The following TTC23 variants were observed in gnomAD, a reference collection of about 807,000 sequenced individuals.
The protein encoded by TTC23 is tetratricopeptide repeat protein 23.
In TTC23, 58 loss-of-function variants were observed where a neutral mutation model predicts 55.1. The observed-to-expected ratio is 1.05, with a 90% CI of 0.85 to 1.31. The LOEUF (loss-of-function observed/expected upper bound fraction) is 1.31, where lower values mean the gene tolerates loss of function less well. TTC23 is among the 50% of genes most tolerant of loss of function. TTC23 has a pLI of 0.00. For missense variants in TTC23, 516 were observed against 534.4 expected, an observed-to-expected ratio of 0.97 and a Z score of 0.34; for synonymous variants, 203 against 199.9, an observed-to-expected ratio of 1.02 and a Z score of -0.13.
intron 12 of TTC23, among the ~76,000 whole-genome samples, chr15:99,146,480 C>T (rs1281776926): frequency 9.9e-5 from 15 of 152,246 alleles, no homozygotes; most frequent in African/African-American, 3.6e-4. Flanking sequence ...GGAGCTTTTG[C>T]TTTTCCCTCC....
intron 12 of TTC23, chr15:99,140,059 G>A (rs760273200): frequency 3.2e-5 from 7 of 217,142 alleles, no homozygotes; most frequent in Non-Finnish European, 6.6e-5. Flanking sequence ...TTGCTTTACT[G>A]AATGCCAAAG....
chr15:99,151,130 G>A (rs2151864966), intron 12 of TTC23, among the ~76,000 whole-genome samples: 1 of 152,328 alleles, frequency 6.6e-6, no homozygotes, highest in South Asian at 2.1e-4. Context: ...TTTAAGGGAA[G>A]GGGCTACTTC....
intron 12 of TTC23, chr15:99,151,411 C>T (rs1391745711): frequency 6.6e-6 from 1 of 152,224 alleles, no homozygotes; most frequent in African/African-American, 2.4e-5. Context: ...GGCACAGGGA[C>T]AGAAAGTAAA....
intron 10 of TTC23, among the ~76,000 whole-genome samples, chr15:99,172,536 G>T (rs1321475553): frequency 2.0e-5 from 3 of 152,162 alleles, no homozygotes; most frequent in African/African-American, 7.2e-5. Context: ...AACATGACAT[G>T]GCATAAAGAG....
At chr15:99,209,501 T>A (rs747510027) in intron 8 of TTC23, among the ~76,000 whole-genome samples, 4 of 152,190 alleles carry the variant, frequency 2.6e-5, no homozygotes, top group Non-Finnish European at 5.9e-5. Flanking sequence ...TAGCGTTGAA[T>A]AAGCAGGGCT....
chr15:99,218,647 T>C lies in TTC23; in HGVS notation c.522A>G (p.Gly174=). The change falls in exon 8 of 14, where the codon GGA becomes GGG. Residue 174 remains glycine (G), a synonymous_variant. Coordinates refer to ENST00000394132, the MANE Select transcript of TTC23 (RefSeq NM_001288615.3). The part of the protein sequence containing the change: ...ERLSKELLQC[G]RIIKEEWIEI... ...CTATCCATTCTTCCTTTATAATTCT[T>C]CCACATTGTAGCAGCTCCTTTGAAA... The C allele has an allele frequency of 6.2e-7, 1 of 1,614,212 alleles. No individual in the cohort carries two copies. The highest frequency in any genetic ancestry group is 8.5e-7 in the Non-Finnish European group (1 of 1,180,040).
intron 12 of TTC23, chr15:99,140,971 T>A (rs1196593746): frequency 6.6e-6 from 1 of 152,176 alleles, no homozygotes; most frequent in African/African-American, 2.4e-5. Flanking sequence ...TTCAAAGAGT[T>A]GAAATCTGAT....
intron 9 of TTC23, among the ~76,000 whole-genome samples, chr15:99,193,039 A>G (rs368128482): frequency 5.3e-5 from 8 of 152,162 alleles, no homozygotes; most frequent in African/African-American, 1.9e-4. Context: ...TGTTTTGGCC[A>G]ATTTCTCCCA....
chr15:99,139,004 G>T (rs2067891107), intron 13 of TTC23: 1 of 425,484 alleles, frequency 2.4e-6, no homozygotes, highest in East Asian at 5.3e-5. Context: ...GCCGGAAGCA[G>T]GGCTGCAGGA....
At chr15:99,177,330 A>G (rs2073677173) in intron 9 of TTC23, among the ~76,000 whole-genome samples, 1 of 152,236 alleles carries the variant, frequency 6.6e-6, no homozygotes, top group South Asian at 2.1e-4. Context: ...AAAGAATTGA[A>G]TATGTGATTT....
At chr15:99,152,989 G>A (rs1555497731) in intron 12 of TTC23, among the ~76,000 whole-genome samples, 2 of 152,168 alleles carry the variant, frequency 1.3e-5, no homozygotes. Context: ...AGTAGAGACA[G>A]GGTTTCGCTG....
intron 9 of TTC23, among the ~76,000 whole-genome samples, chr15:99,188,447 T>G (rs568744750): frequency 6.6e-6 from 1 of 152,192 alleles, no homozygotes; most frequent in East Asian, 1.9e-4. Context: ...ACCACTACAT[T>G]GTACACTTTA....
At chr15:99,214,908 T>G (rs1421460080) in intron 8 of TTC23, among the ~76,000 whole-genome samples, 1 of 130,010 alleles carries the variant, frequency 7.7e-6, no homozygotes, top group Non-Finnish European at 1.6e-5. Context: ...CAGGCTGGAG[T>G]GCAATGGCGC....
rs1264692133 is a variant in TTC23, at chr15:99,136,730, C to CTAGA, written c.*1276_*1279dup. ...CCTTAGCTGACTCCACCCATGTCAACTAGATAGGACACACGGTGAGTAGTG... is the reference window on the plus strand; with the variant it reads ...CCTTAGCTGACTCCACCCATGTCAACTAGATAGATAGGACACACGGTGAGTAGTG... On this transcript the variant is annotated 3_prime_UTR_variant, in exon 14 of 14. Transcript: ENST00000394132. 6.8e-6 allele frequency: 1 copy of CTAGA among 146,216 alleles called. No homozygotes were observed. The highest frequency in any genetic ancestry group is 1.5e-5 in the Non-Finnish European group (1 of 66,678). 9.1% of individuals were successfully genotyped at this position (146,216 alleles called of 1,614,324 possible). A position where few individuals can be genotyped will look rare whatever the true frequency, so the allele number is the denominator to read the frequency against.
At chr15:99,142,342 T>G (rs2068330868) in intron 12 of TTC23, among the ~76,000 whole-genome samples, 1 of 152,148 alleles carries the variant, frequency 6.6e-6, no homozygotes, top group Non-Finnish European at 1.5e-5. Flanking sequence ...GGTTAACACT[T>G]CTTACCAGAA....
chr15:99,212,436 A>G (rs1026219996), intron 8 of TTC23, among the ~76,000 whole-genome samples: 6 of 152,350 alleles, frequency 3.9e-5, no homozygotes, highest in African/African-American at 1.4e-4. Flanking sequence ...TACCAGATTT[A>G]AAGAAATATA....
At chr15:99,227,408 C>T (rs184108823) in intron 5 of TTC23, among the ~76,000 whole-genome samples, 3 of 152,286 alleles carry the variant, frequency 2.0e-5, no homozygotes, top group East Asian at 3.9e-4. Flanking sequence ...CTCTGCCACA[C>T]GTAGTTCAGG....
intron 13 of TTC23, 50 bp downstream of exon 13, chr15:99,139,267 C>G (rs371532657): frequency 1.9e-6 from 3 of 1,591,544 alleles, no homozygotes; most frequent in African/African-American, 1.4e-5. Context: ...TCTTGAGATT[C>G]TGAATGGAAA....
intron 8 of TTC23, among the ~76,000 whole-genome samples, chr15:99,217,489 T>C (rs572623645): frequency 6.6e-6 from 1 of 152,338 alleles, no homozygotes; most frequent in South Asian, 2.1e-4. Flanking sequence ...CATAAATATA[T>C]AAAACAATAT....
Sources: gnomAD v4.1 joint callset for allele counts (sites outside exome capture counted in the v4.1 genomes callset) on GRCh38, gnomAD v4.1.1 for gene constraint, MANE v1.5 for transcripts, NCBI Gene and HGNC (gene_info 2026-07-23, HGNC 2026-07-21) for gene names.